ARMC9: variants seen among roughly 807,000 people sequenced by gnomAD.
ARMC9 encodes armadillo repeat containing 9.
A neutral mutation model predicts 107.0 loss-of-function variants in ARMC9; 94 were observed. The ratio of observed to expected loss-of-function variants is 0.88; its 90% CI spans 0.74 to 1.04. ARMC9 has a LOEUF of 1.04. Among genes scored for constraint, ARMC9 ranks in the 50% least tolerant of loss-of-function variants. The pLI is 0.00. For missense variants in ARMC9, 942 were observed against 1,030.1 expected, an observed-to-expected ratio of 0.91 and a Z score of 1.17; for synonymous variants, 380 against 396.9, an observed-to-expected ratio of 0.96 and a Z score of 0.51.
intron 11 of ARMC9, among the ~76,000 whole-genome samples, chr2:231,260,130 T>C (rs2038200495): frequency 6.6e-6 from 1 of 152,182 alleles, no homozygotes. Context: ...ACAATAAAAT[T>C]GTGAGAAGAG....
intron 9 of ARMC9, among the ~76,000 whole-genome samples, chr2:231,250,263 T>G (rs1342637575): frequency 6.6e-6 from 1 of 152,196 alleles, no homozygotes; most frequent in African/African-American, 2.4e-5. Flanking sequence ...CTGACTGTGT[T>G]GGATGGTTTG....
intron 7 of ARMC9, among the ~76,000 whole-genome samples, chr2:231,234,988 C>G (rs533185867): frequency 6.6e-6 from 1 of 152,056 alleles, no homozygotes; most frequent in Non-Finnish European, 1.5e-5. Flanking sequence ...CTTAGGAAGC[C>G]CAGTGAGGAT....
At chr2:231,293,645 C>A (rs2041172510) in intron 18 of ARMC9, among the ~76,000 whole-genome samples, 1 of 152,202 alleles carries the variant, frequency 6.6e-6, no homozygotes, top group Non-Finnish European at 1.5e-5. Context: ...TTGTGTTGGG[C>A]AGAGCTAAAC....
intron 17 of ARMC9, 119 bp from the exon 18 acceptor site, chr2:231,291,234 A>C: frequency 2.7e-6 from 2 of 738,608 alleles, no homozygotes; most frequent in South Asian, 3.1e-5. Context: ...CCCCCACCCA[A>C]GGTATCCTCT....
At chr2:231,258,472 C>A (rs989971650) in intron 10 of ARMC9, among the ~76,000 whole-genome samples, 1 of 152,100 alleles carries the variant, frequency 6.6e-6, no homozygotes, top group African/African-American at 2.4e-5. Flanking sequence ...TGAGCCACCA[C>A]GCCCGGCCCC....
intron 19 of ARMC9, among the ~76,000 whole-genome samples, chr2:231,323,751 C>T (rs912099640): frequency 3.9e-5 from 6 of 152,148 alleles, no homozygotes; most frequent in African/African-American, 7.2e-5. Flanking sequence ...GAAAATGAGG[C>T]GCTGACAAGA....
rs532758727 is a variant in ARMC9 at position 231,334,704 on chromosome 2, C to T, written c.1878+2807C>T. On this transcript the variant is annotated intron_variant, in intron 20 of 24. Coordinates refer to ENST00000611582, the MANE Select transcript of ARMC9 (RefSeq NM_001352754.2). ...GAGGCCGGATGCACTCCCAGCACTG[C>T]CCCTGTTCATGAGTCATCCCCCACC... Among the ~76,000 whole-genome samples, 9 of 152,176 alleles carry T rather than the reference C, an allele frequency of 5.9e-5. No individual in the cohort carries two copies. In the East Asian group the frequency reaches 1.7e-3, roughly 29 times the overall value.
chr2:231,314,174 G>A (rs1026414434), intron 19 of ARMC9, among the ~76,000 whole-genome samples: 3 of 151,582 alleles, frequency 2.0e-5, no homozygotes, highest in South Asian at 2.1e-4. Context: ...CCGCCTCACA[G>A]GTTCAAGTGA....
intron 19 of ARMC9, among the ~76,000 whole-genome samples, chr2:231,326,309 T>G (rs1209280243): frequency 6.6e-6 from 1 of 152,188 alleles, no homozygotes; most frequent in Admixed American, 6.5e-5. Flanking sequence ...ATTGTGAAAG[T>G]TAAGATGTAA....
At chr2:231,241,653 C>A (rs149491068) in intron 9 of ARMC9, among the ~76,000 whole-genome samples, 9 of 152,086 alleles carry the variant, frequency 5.9e-5, no homozygotes, top group Non-Finnish European at 1.2e-4. Flanking sequence ...CTACCTAATT[C>A]TCAAGTAGAT....
At chr2:231,217,132 A>G (rs889280236) in intron 5 of ARMC9, among the ~76,000 whole-genome samples, 1 of 152,214 alleles carries the variant, frequency 6.6e-6, no homozygotes, top group South Asian at 2.1e-4. Flanking sequence ...TATTCACACA[A>G]TGGAATATTA....
intron 14 of ARMC9, among the ~76,000 whole-genome samples, chr2:231,273,323 G>A (rs533814026): frequency 6.6e-6 from 1 of 152,220 alleles, no homozygotes; most frequent in Non-Finnish European, 1.5e-5. Context: ...TCGAGTGCCA[G>A]CCATGCAGGA....
intron 15 of ARMC9, 148 bp downstream of exon 15, chr2:231,276,923 T>A: frequency 8.2e-7 from 1 of 1,218,586 alleles, no homozygotes; most frequent in Non-Finnish European, 1.1e-6. Flanking sequence ...TCCAACTAGG[T>A]ATCAAGCTGT....
chr2:231,219,848 T>C (rs1208542945), intron 5 of ARMC9, among the ~76,000 whole-genome samples: 1 of 152,148 alleles, frequency 6.6e-6, no homozygotes, highest in Non-Finnish European at 1.5e-5. Context: ...TTCTTTTTAG[T>C]ATTAAAGAGA....
intron 21 of ARMC9, among the ~76,000 whole-genome samples, chr2:231,345,722 T>A (rs369663920): frequency 6.6e-6 from 1 of 152,158 alleles, no homozygotes; most frequent in South Asian, 2.1e-4. Context: ...TTTTCCTGTC[T>A]AGAGAGAATA....
chr2:231,342,850 A>T (rs2044598828), intron 20 of ARMC9, among the ~76,000 whole-genome samples: 2 of 151,204 alleles, frequency 1.3e-5, no homozygotes, highest in South Asian at 4.2e-4. Flanking sequence ...CCACTTTCTC[A>T]CTCTCCCAGG....
chr2:231,200,263 G>A (rs142238163), intron 1 of ARMC9, among the ~76,000 whole-genome samples: 42 of 152,278 alleles, frequency 2.8e-4, no homozygotes, highest in African/African-American at 9.9e-4. Context: ...CCTTTAAAAT[G>A]ACATCCCCTC....
chr2:231,276,752 T>G lies in ARMC9; in HGVS notation c.1451T>G (p.Met484Arg), dbSNP rs2039796043. 2 of 1,614,028 alleles carry G rather than the reference T, an allele frequency of 1.2e-6. No individual in the cohort carries two copies. Among genetic ancestry groups the G allele is most frequent in the African/African-American group, 1.3e-5 (1 of 74,936 alleles). The change falls in exon 15 of 25, where the codon ATG becomes AGG. Residue 484 changes from methionine to arginine, a missense_variant. Coordinates refer to ENST00000611582, the MANE Select transcript of ARMC9 (RefSeq NM_001352754.2). ...YTLEYSVALL[M>R]NLCLRSTGKN... ...CTGGAGTACTCGGTGGCTTTGCTCA[T>G]GAACCTCTGCCTCCGCAGCACAGGT...
At chr2:231,366,162 G>A (rs76087648) in intron 23 of ARMC9, among the ~76,000 whole-genome samples, 5,379 of 152,286 alleles carry the variant, frequency 0.035, 116 homozygotes, top group Non-Finnish European at 0.047. Context: ...GAGAGTTGCC[G>A]TTCAAGTCCA....
Sources: gnomAD v4.1 joint callset for allele counts (sites outside exome capture counted in the v4.1 genomes callset) on GRCh38, gnomAD v4.1.1 for gene constraint, MANE v1.5 for transcripts, NCBI Gene and HGNC (gene_info 2026-07-23, HGNC 2026-07-21) for gene names.